The following KLC4 variants were observed in gnomAD, a reference collection of about 807,000 sequenced individuals.
KLC4 encodes kinesin light chain 4.
KLC4 carries 49 observed loss-of-function variants against 77.2 expected under a neutral mutation model. That is an observed-to-expected ratio of 0.63 (90% CI 0.50 to 0.80). The LOEUF is 0.80. KLC4 is among the 30% of genes least tolerant of loss of function. KLC4 has a pLI of 0.00. For synonymous variants in KLC4, 274 were observed against 314.5 expected (o/e 0.87, Z 1.36); for missense variants, 669 against 793.5 (o/e 0.84, Z 1.89).
In KLC4 at chr6:43,070,462, A is replaced by C. The variant is rs780843664; in HGVS notation, c.981+7A>C. On this transcript the variant is annotated splice_region_variant and intron_variant, in intron 7 of 15. Coordinates refer to ENST00000347162, the MANE Select transcript of KLC4 (RefSeq NM_201521.3). ...ACTGGAGATTCGAGAAAAGGTACCC[A>C]TGCCCTCTCTCCCTTCTTCTCTTGT... 89 of 1,596,236 alleles carry C rather than the reference A, an allele frequency of 5.6e-5. No homozygotes were observed. The South Asian group carries it at 9.7e-4, about 17-fold the overall frequency.
At chr6:43,068,910 C>G (rs912464665) in intron 6 of KLC4, among the ~76,000 whole-genome samples, 1 of 152,110 alleles carries the variant, frequency 6.6e-6, no homozygotes, top group African/African-American at 2.4e-5. Context: ...GAGTTTGAGA[C>G]CAGCCTGACC....
Position 43,070,715 on chromosome 6 carries a change from T to C in KLC4, c.1005T>C (p.Asp335=). 1.9e-6 allele frequency: 3 copies of C among 1,613,632 alleles called. No homozygotes were observed. The highest frequency in any genetic ancestry group is 2.5e-6 in the Non-Finnish European group (3 of 1,179,606). The change falls in exon 8 of 16, where the codon GAT becomes GAC. Residue 335 remains aspartate, a synonymous_variant. Transcript: ENST00000347162. The part of the protein sequence containing the change: ...REKVLGTNHP[D]VAKQLNNLAL... ...AGGTCCTGGGCACGAATCATCCAGA[T>C]GTGGCAAAACAGCTGAACAACCTGG...
intron 2 of KLC4, among the ~76,000 whole-genome samples, chr6:43,061,794 G>C (rs569530041): frequency 1.5e-4 from 23 of 152,312 alleles, no homozygotes; most frequent in Non-Finnish European, 1.8e-4. Context: ...AAAAATCTTT[G>C]CCATCTTGGA....
intron 14 of KLC4, 111 bp from the exon 15 acceptor site, chr6:43,073,791 A>C (rs1765845332): frequency 6.8e-6 from 6 of 877,798 alleles, no homozygotes; most frequent in South Asian, 5.5e-5. Context: ...CCATGGAGAG[A>C]GAGTTTGGGT....
chr6:43,061,649 T>C, intron 2 of KLC4, 56 bp downstream of exon 2: 14 of 1,533,586 alleles, frequency 9.1e-6, no homozygotes, highest in Non-Finnish European at 1.2e-5. Flanking sequence ...AGCAGTTATC[T>C]GATTAAAGGT....
rs941482264 is a variant in KLC4, at chr6:43,060,785, G to A, written c.-25-526G>A. Among the ~76,000 whole-genome samples, 11 of 152,284 alleles carry A rather than the reference G, an allele frequency of 7.2e-5. No homozygotes were observed. In the South Asian group the frequency reaches 8.3e-4, roughly 11 times the overall value. On this transcript the variant is annotated intron_variant, in intron 1 of 15. Coordinates refer to ENST00000347162, the MANE Select transcript of KLC4 (RefSeq NM_201521.3). ...GCAGCCTGAAGACCTTGAGCTTTCT[G>A]GGACCCTGTAATGTGGATCCTGCAA...
rs777244161 is a variant in KLC4 at position 43,066,288 on chromosome 6, T to C, written c.572-18T>C. ...GGGGAGAGGAAGAGTCCTTTGTTTA[T>C]GTTCTGTGATGGTTTAGTGTCCCGT... is the stretch of plus-strand genomic sequence containing the variant. On this transcript the variant is annotated intron_variant, in intron 4 of 15. Coordinates refer to ENST00000347162, the MANE Select transcript of KLC4 (RefSeq NM_201521.3). 1.0e-5 allele frequency: 16 copies of C among 1,603,504 alleles called. No homozygotes were observed. In the African/African-American group the frequency reaches 2.0e-4, roughly 20 times the overall value.
chr6:43,073,339 G>A lies in KLC4; in HGVS notation c.1745+1G>A. 2 of 1,607,022 alleles carry A rather than the reference G, an allele frequency of 1.2e-6. No homozygotes were observed. The highest frequency in any genetic ancestry group is 1.7e-5 in the Admixed American group (1 of 59,932). On this transcript the variant is annotated splice_donor_variant, in intron 14 of 15. Coordinates refer to ENST00000347162, the MANE Select transcript of KLC4 (RefSeq NM_201521.3). LOFTEE classifies it high-confidence loss of function. ...AGGGGACTGAGCCTCGGCCCTCCAG[G>A]TATACATGGAAGTCAAGATACAGTA...
At chr6:43,068,695 C>T (rs1184188875) in intron 6 of KLC4, among the ~76,000 whole-genome samples, 1 of 151,812 alleles carries the variant, frequency 6.6e-6, no homozygotes, top group Non-Finnish European at 1.5e-5. Context: ...GCCTGTAATC[C>T]CAACTATTTG....
chr6:43,071,955 C>T (rs746629744), intron 11 of KLC4, 33 bp downstream of exon 11: 44 of 1,584,988 alleles, frequency 2.8e-5, no homozygotes, highest in South Asian at 5.7e-5. Context: ...GCTTGGCCTC[C>T]GATGCCCTCC....
At chr6:43,068,061 G>A (rs1405358667) in intron 6 of KLC4, among the ~76,000 whole-genome samples, 2 of 84,818 alleles carry the variant, frequency 2.4e-5, no homozygotes, top group Non-Finnish European at 3.8e-5. Context: ...GCAGTGAGCC[G>A]AGATCCCGCC....
rs778387146 is a variant in KLC4 at position 43,070,710 on chromosome 6, C to G, written c.1000C>G (p.Pro334Ala). The change falls in exon 8 of 16, where the codon CCA (proline) becomes GCA (alanine). Residue 334 changes from proline (P) to alanine (A), a missense_variant. Pro to Ala is a conservative substitution (Grantham distance 27). Coordinates refer to ENST00000347162, the MANE Select transcript of KLC4 (RefSeq NM_201521.3). Reference protein sequence around the residue: ...IREKVLGTNHPDVAKQLNNLA... With the variant: ...IREKVLGTNHADVAKQLNNLA... The stretch of plus-strand genomic sequence containing the variant: ...CTTTCAGGTCCTGGGCACGAATCAT[C>G]CAGATGTGGCAAAACAGCTGAACAA... The G allele has an allele frequency of 1.0e-4, 169 of 1,613,472 alleles. No individual in the cohort carries two copies. The highest frequency in any genetic ancestry group is 3.7e-4 in the Admixed American group (22 of 59,986).
chr6:43,066,533 C>G lies in KLC4; in HGVS notation c.791+8C>G. Reference sequence around the variant, plus strand: ...CCTTGCTTTGGTGTATCGGTGAGGACTTCCCTCCTCCAGTGCCCAGATCTT... The same window carrying G: ...CCTTGCTTTGGTGTATCGGTGAGGAGTTCCCTCCTCCAGTGCCCAGATCTT... On this transcript the variant is annotated splice_region_variant and intron_variant, in intron 5 of 15. Transcript: ENST00000347162. 6.2e-7 allele frequency: 1 copy of G among 1,605,010 alleles called. No individual in the cohort carries two copies. Among genetic ancestry groups the G allele is most frequent in the Non-Finnish European group, 8.5e-7 (1 of 1,173,190 alleles).
chr6:43,070,980 C>A, intron 8 of KLC4, 115 bp downstream of exon 8: 1 of 957,254 alleles, frequency 1.0e-6, no homozygotes, highest in South Asian at 1.6e-5. Context: ...GCATCACAGT[C>A]TGGCACACTG....
At chr6:43,060,185 A>C in intron 1 of KLC4, 1 of 1,613,706 alleles carries the variant, frequency 6.2e-7, no homozygotes, top group Non-Finnish European at 8.5e-7. Context: ...GCCTGTTTGT[A>C]GGTGACCGTG....
intron 3 of KLC4, among the ~76,000 whole-genome samples, chr6:43,064,161 G>C (rs190464564): frequency 6.6e-6 from 1 of 152,312 alleles, no homozygotes; most frequent in East Asian, 1.9e-4. Context: ...TTCTTGAGAT[G>C]TATCTGTAGG....
chr6:43,070,593 C>T (rs756367759), intron 7 of KLC4, 99 bp from the exon 8 acceptor site: 2 of 1,454,174 alleles, frequency 1.4e-6, no homozygotes, highest in South Asian at 2.5e-5. Flanking sequence ...ATTCCCTTTC[C>T]TCTGCTTTCC....
At chr6:43,059,839 G>A (rs1199560416) in intron 1 of KLC4, 154 bp downstream of exon 1, 2 of 1,165,602 alleles carry the variant, frequency 1.7e-6, no homozygotes, top group East Asian at 5.0e-5. Flanking sequence ...CCGCCCCTCG[G>A]CGTCCAGACA....
intron 1 of KLC4, chr6:43,060,673 G>C (rs1479367686): frequency 1.5e-5 from 16 of 1,052,364 alleles, no homozygotes; most frequent in Non-Finnish European, 8.1e-6. Flanking sequence ...TGAGTCCTGG[G>C]GGGTGGGAAG....
Sources: gnomAD v4.1 joint callset for allele counts (sites outside exome capture counted in the v4.1 genomes callset) on GRCh38, gnomAD v4.1.1 for gene constraint, MANE v1.5 for transcripts, NCBI Gene and HGNC (gene_info 2026-07-23, HGNC 2026-07-21) for gene names.